The following PRKN variants were observed in gnomAD, a reference collection of about 807,000 sequenced individuals.
PRKN encodes parkin RBR E3 ubiquitin protein ligase, also known as E3 ubiquitin-protein ligase parkin.
A neutral mutation model predicts 59.5 loss-of-function variants in PRKN; 56 were observed. The observed-to-expected ratio is 0.94, with a 90% CI of 0.76 to 1.18. The LOEUF (loss-of-function observed/expected upper bound fraction) is 1.18, where lower values mean the gene tolerates loss of function less well. Ranked by LOEUF, PRKN falls within the 50% of genes most tolerant of loss-of-function variation. The pLI is 0.00. For synonymous variants in PRKN, 250 were observed against 222.1 expected (o/e 1.13, Z -1.12); for missense variants, 657 against 596.4 (o/e 1.10, Z -1.06).
At chr6:162,258,159 C>T (rs1457370537) in intron 3 of PRKN, among the ~76,000 whole-genome samples, 1 of 152,172 alleles carries the variant, frequency 6.6e-6, no homozygotes, top group Non-Finnish European at 1.5e-5. Context: ...TTACGGAACT[C>T]CCCACCAATA....
chr6:162,579,576 CAT>C (rs1780700598), intron 1 of PRKN, among the ~76,000 whole-genome samples: 1 of 151,934 alleles, frequency 6.6e-6, no homozygotes, highest in African/African-American at 2.4e-5. Context: ...CACAGATTTA[CAT>C]ACACAAGTTC....
At position 162,021,122 on chromosome 6, in the gene PRKN, ATATATATATATATAT is replaced by A. The variant is rs1562465305; in HGVS notation, c.618+32954_618+32968del. ...TGTCTCAAAAAAAAAACAAAAACATATATATATATATATATATATATATATATATATATATATATA... is the reference window on the plus strand; with the variant it reads ...TGTCTCAAAAAAAAAACAAAAACATAATATATATATATATATATATATATA... On this transcript the variant is annotated intron_variant, in intron 5 of 11. Transcript: ENST00000366898. Among the ~76,000 whole-genome samples the A allele has an allele frequency of 7.0e-3, 23 of 3,278 alleles. 2 individuals carry two copies. The highest frequency in any genetic ancestry group is 0.045 in the South Asian group (5 of 112). 2.2% of individuals were successfully genotyped at this position (3,278 alleles called of 152,430 possible).
chr6:161,503,475 A>C lies in PRKN; in HGVS notation c.1083+45379T>G, dbSNP rs1368041773. Among the ~76,000 whole-genome samples the C allele has an allele frequency of 6.6e-6, 1 of 152,122 alleles. No homozygotes were observed. Among genetic ancestry groups the C allele is most frequent in the African/African-American group, 2.4e-5 (1 of 41,402 alleles). On this transcript the variant is annotated intron_variant, in intron 9 of 11. Transcript: ENST00000366898. The surrounding 1 kb of genome is among the most constrained non-coding windows in gnomAD (Gnocchi z 5.1). ...CTGCCACTAAATAACCTTTGCCCCC[A>C]CTGCACTAAGACTTTTACATGTTTT... is the stretch of plus-strand genomic sequence containing the variant.
In PRKN at chr6:161,561,941, AC is replaced by A. The variant is rs1780470785; in HGVS notation, c.933+7413del. On this transcript the variant is annotated intron_variant, in intron 8 of 11. Transcript: ENST00000366898. The surrounding 1 kb of genome is among the most constrained non-coding windows in gnomAD (Gnocchi z 5.0). ...AAACTGCTCATTATGGTCATTCGTGACTTTTGCCACAGTGTCACAGGCGAAG... is the reference window on the plus strand; with the variant it reads ...AAACTGCTCATTATGGTCATTCGTGATTTTGCCACAGTGTCACAGGCGAAG... 6.6e-6 allele frequency among the ~76,000 whole-genome samples: 1 copy of A among 152,024 alleles called. No individual in the cohort carries two copies. Among genetic ancestry groups the A allele is most frequent in the Non-Finnish European group, 1.5e-5 (1 of 68,014 alleles).
At chr6:162,214,337 AAG>A (rs1777541568) in intron 3 of PRKN, among the ~76,000 whole-genome samples, 1 of 152,128 alleles carries the variant, frequency 6.6e-6, no homozygotes, top group African/African-American at 2.4e-5. Flanking sequence ...CTAGAGAGTC[AAG>A]ACAGAAACCA....
chr6:162,561,142 G>T (rs535190698), intron 1 of PRKN, among the ~76,000 whole-genome samples: 5 of 152,110 alleles, frequency 3.3e-5, no homozygotes, highest in African/African-American at 1.2e-4. Flanking sequence ...AGTCCCAAGC[G>T]CATGGAGTGA....
At chr6:162,447,558 G>A (rs1790378739) in intron 1 of PRKN, among the ~76,000 whole-genome samples, 1 of 152,044 alleles carries the variant, frequency 6.6e-6, no homozygotes, top group African/African-American at 2.4e-5. Context: ...CCTTTTTTAT[G>A]ATATCCCTAA....
chr6:161,676,872 C>T (rs934278222), intron 7 of PRKN, among the ~76,000 whole-genome samples: 1 of 152,124 alleles, frequency 6.6e-6, no homozygotes, highest in African/African-American at 2.4e-5. Flanking sequence ...TGTCAGACTA[C>T]AGGGATGAGA....
chr6:161,899,190 T>C (rs1777784965), intron 6 of PRKN, among the ~76,000 whole-genome samples: 1 of 152,216 alleles, frequency 6.6e-6, no homozygotes, highest in South Asian at 2.1e-4. Context: ...CAGATGAGGC[T>C]GAAATGAGAA....
chr6:162,591,132 A>G (rs539096097), intron 1 of PRKN, among the ~76,000 whole-genome samples: 1 of 152,264 alleles, frequency 6.6e-6, no homozygotes, highest in Non-Finnish European at 1.5e-5. Context: ...GTTGTTAGGA[A>G]ACCATTACAA....
At chr6:161,922,952 A>T (rs925095005) in intron 6 of PRKN, among the ~76,000 whole-genome samples, 1 of 152,232 alleles carries the variant, frequency 6.6e-6, no homozygotes, top group African/African-American at 2.4e-5. Context: ...GTTTAAACAA[A>T]ACCATGACTC....
intron 7 of PRKN, among the ~76,000 whole-genome samples, chr6:161,729,959 T>G (rs1427941667): frequency 6.6e-6 from 1 of 152,252 alleles, no homozygotes; most frequent in Non-Finnish European, 1.5e-5. Flanking sequence ...TGTGTTGCAT[T>G]CTGATGTGTT....
chr6:162,032,178 A>G (rs1369114305), intron 5 of PRKN, among the ~76,000 whole-genome samples: 1 of 152,206 alleles, frequency 6.6e-6, no homozygotes, highest in African/African-American at 2.4e-5. Context: ...TTTAAGAAGC[A>G]TATTCATCTC....
intron 1 of PRKN, among the ~76,000 whole-genome samples, chr6:162,555,981 C>CAAAAAAAAAAAAAAA (rs772336975): frequency 6.6e-5 from 6 of 90,362 alleles, no homozygotes; most frequent in Admixed American, 1.4e-4. Context: ...AACTCCATCT[C>CAAAAAAAAAAAAAAA]AAAAAAAAAA....
chr6:161,934,110 G>A (rs943293003), intron 6 of PRKN, among the ~76,000 whole-genome samples: 4 of 152,170 alleles, frequency 2.6e-5, no homozygotes, highest in South Asian at 2.1e-4. Flanking sequence ...GGGGCGCTTC[G>A]CCATGAAGTT....
chr6:162,427,176 A>C (rs1789275763), intron 2 of PRKN, among the ~76,000 whole-genome samples: 2 of 152,200 alleles, frequency 1.3e-5, no homozygotes, highest in South Asian at 4.1e-4. Flanking sequence ...CAGGCTCAAA[A>C]TTTAAAAGTC....
At chr6:162,597,961 T>G (rs1048007657) in intron 1 of PRKN, among the ~76,000 whole-genome samples, 9 of 152,212 alleles carry the variant, frequency 5.9e-5, no homozygotes, top group Non-Finnish European at 1.3e-4. Context: ...TATTGAGCAT[T>G]TTCAATGGTA....
intron 7 of PRKN, among the ~76,000 whole-genome samples, chr6:161,709,745 C>A (rs1786661467): frequency 6.6e-6 from 1 of 152,058 alleles, no homozygotes; most frequent in Non-Finnish European, 1.5e-5. Flanking sequence ...TCCCAAATAA[C>A]CTCAGAGTTT....
chr6:161,959,453 T>C (rs1050306005), intron 6 of PRKN, among the ~76,000 whole-genome samples: 11 of 152,224 alleles, frequency 7.2e-5, no homozygotes, highest in African/African-American at 2.2e-4. Flanking sequence ...CAGCCACATA[T>C]AAGAGGTTAA....
Sources: allele counts gnomAD v4.1 joint callset (sites outside exome capture counted in the v4.1 genomes callset), GRCh38; gene constraint gnomAD v4.1.1; non-coding constraint Gnocchi (gnomAD v3.1); transcripts MANE v1.5; gene names NCBI Gene and HGNC (gene_info 2026-07-23, HGNC 2026-07-21).